LRRC7: variants seen among roughly 807,000 people sequenced by gnomAD.
The protein encoded by LRRC7 is leucine rich repeat containing 7.
A neutral mutation model predicts 175.7 loss-of-function variants in LRRC7; 23 were observed. The observed-to-expected ratio is 0.13, with a 90% CI of 0.09 to 0.19. The LOEUF (loss-of-function observed/expected upper bound fraction) is 0.19. Ranked by LOEUF, LRRC7 falls within the 10% of genes least tolerant of loss-of-function variation. The probability of loss-of-function intolerance (pLI) is 1.00; values close to 1 mark genes in which losing one functional copy is unlikely to be tolerated. For synonymous variants in LRRC7, 685 were observed against 680.9 expected, an observed-to-expected ratio of 1.01 and a Z score of -0.09; for missense variants, 1,354 against 1,904.7, an observed-to-expected ratio of 0.71 and a Z score of 5.38.
chr1:70,028,303 A>T lies in LRRC7; in HGVS notation c.1927A>T (p.Thr643Ser). ...TGAGAATTCAAATCCAACTGCTAAC[A>T]CGGAGCAAACTGTGAAAGAAAAATA... ...RVENSNPTAN[T>S]EQTVKEKYEH... The change falls in exon 18 of 27, where the codon ACG becomes TCG. Residue 643 changes from threonine (T) to serine (S), a missense_variant. Physicochemically the swap from Thr to Ser is moderately conservative, Grantham distance 58. Around this residue, in one of 4 missense-constraint regions of LRRC7, gnomAD observed 1,032 missense variants for 1,227.2 expected, o/e 0.84. Coordinates refer to ENST00000651989, the MANE Select transcript of LRRC7 (RefSeq NM_001370785.2). 1 of 1,613,828 alleles carries T rather than the reference A, an allele frequency of 6.2e-7. No individual in the cohort carries two copies. The highest frequency in any genetic ancestry group is 1.3e-5 in the African/African-American group (1 of 75,046).
At chr1:69,936,260 A>G (rs1009724370) in intron 8 of LRRC7, among the ~76,000 whole-genome samples, 1 of 152,180 alleles carries the variant, frequency 6.6e-6, no homozygotes, top group African/African-American at 2.4e-5. Context: ...TAGTTGATCA[A>G]GTTTCTCAAA....
intron 7 of LRRC7, among the ~76,000 whole-genome samples, chr1:69,873,291 C>G (rs898021693): frequency 5.3e-5 from 8 of 152,064 alleles, no homozygotes; most frequent in African/African-American, 1.9e-4. Flanking sequence ...TTTTCCTAAT[C>G]CTAGAACTAT....
chr1:69,743,419 G>GA (rs1339310718), intron 2 of LRRC7, among the ~76,000 whole-genome samples: 3 of 152,040 alleles, frequency 2.0e-5, no homozygotes, highest in African/African-American at 7.2e-5. Context: ...AAGCACGGAA[G>GA]AATGCAAAGG....
chr1:69,713,770 G>A lies in LRRC7; in HGVS notation c.100+35292G>A, dbSNP rs1021847819. Among the ~76,000 whole-genome samples the A allele has an allele frequency of 5.3e-5, 8 of 151,074 alleles. No homozygotes were observed. The East Asian group carries it at 1.6e-3, about 29-fold the overall frequency. On this transcript the variant is annotated intron_variant, in intron 2 of 26. Transcript: ENST00000651989. The stretch of plus-strand genomic sequence containing the variant: ...GGCATCTCGTATGAAACTGATCAAA[G>A]GGTTTGAATTCTGGGGAATAGAGAT...
chr1:70,132,064 T>C lies in LRRC7; in HGVS notation c.*10177T>C, dbSNP rs1021428241. The C allele has an allele frequency of 6.6e-6, 1 of 152,188 alleles. No individual in the cohort carries two copies. The highest frequency in any genetic ancestry group is 1.5e-5 in the Non-Finnish European group (1 of 68,062). 9.4% of individuals were successfully genotyped at this position (152,188 alleles called of 1,614,324 possible). On this transcript the variant is annotated 3_prime_UTR_variant, in exon 27 of 27. Transcript: ENST00000651989. The stretch of plus-strand genomic sequence containing the variant: ...AGACAAAAGAAGGGCAATAGAGGAC[T>C]GATACAGAGAATCAGAGAGGAACTG...
chr1:69,723,668 C>A (rs752857945), intron 2 of LRRC7, among the ~76,000 whole-genome samples: 16 of 152,172 alleles, frequency 1.1e-4, no homozygotes, highest in Non-Finnish European at 2.1e-4. Context: ...TAACAAAATG[C>A]CATAGACTGA....
chr1:70,017,908 T>A (rs1362505163), intron 14 of LRRC7, among the ~76,000 whole-genome samples: 1 of 152,082 alleles, frequency 6.6e-6, no homozygotes, highest in Non-Finnish European at 1.5e-5. Flanking sequence ...AAAATATGAT[T>A]TATTATTCTT....
At chr1:69,746,113 T>G (rs956654044) in intron 2 of LRRC7, among the ~76,000 whole-genome samples, 15 of 151,966 alleles carry the variant, frequency 9.9e-5, no homozygotes, top group African/African-American at 3.4e-4. Flanking sequence ...ACTTCTATTT[T>G]TATCCTCTCT....
chr1:69,976,174 A>G (rs896112366), intron 8 of LRRC7, among the ~76,000 whole-genome samples: 6 of 152,192 alleles, frequency 3.9e-5, no homozygotes, highest in Non-Finnish European at 8.8e-5. Flanking sequence ...GATAGATAAT[A>G]TAAAGGGGAG....
intron 2 of LRRC7, among the ~76,000 whole-genome samples, chr1:69,758,660 A>G (rs1570650935): frequency 6.6e-6 from 1 of 151,460 alleles, no homozygotes; most frequent in Non-Finnish European, 1.5e-5. Flanking sequence ...CCCTCATTCC[A>G]CCCTCCACCC....
intron 7 of LRRC7, among the ~76,000 whole-genome samples, chr1:69,920,517 C>T (rs1646859298): frequency 6.6e-6 from 1 of 151,982 alleles, no homozygotes; most frequent in African/African-American, 2.4e-5. Context: ...TAAAATATTC[C>T]TTAATACACT....
At chr1:69,732,188 A>T (rs1406954074) in intron 2 of LRRC7, among the ~76,000 whole-genome samples, 2 of 152,130 alleles carry the variant, frequency 1.3e-5, no homozygotes, top group African/African-American at 2.4e-5. Context: ...GACTTTATTT[A>T]AAAATGTCTG....
chr1:70,098,280 A>G (rs1664559512), intron 25 of LRRC7, among the ~76,000 whole-genome samples: 1 of 152,176 alleles, frequency 6.6e-6, no homozygotes. Flanking sequence ...AACGAGAACA[A>G]AGACACAACA....
chr1:70,097,466 A>T (rs79916799), intron 25 of LRRC7, among the ~76,000 whole-genome samples: 1 of 152,004 alleles, frequency 6.6e-6, no homozygotes, highest in East Asian at 1.9e-4. Flanking sequence ...TTTTTTTACC[A>T]TTTTTTTATT....
intron 1 of LRRC7, among the ~76,000 whole-genome samples, chr1:69,593,816 T>C (rs1042832280): frequency 1.3e-5 from 2 of 152,186 alleles, no homozygotes; most frequent in Non-Finnish European, 2.9e-5. Context: ...AAACCCGATC[T>C]GAGTCTGAAT....
chr1:69,742,673 T>C (rs1228192699), intron 2 of LRRC7, among the ~76,000 whole-genome samples: 1 of 151,924 alleles, frequency 6.6e-6, no homozygotes, highest in African/African-American at 2.4e-5. Flanking sequence ...CATTCTGAGA[T>C]TAAAGCAGAA....
intron 10 of LRRC7, among the ~76,000 whole-genome samples, chr1:69,991,634 G>T (rs1001762156): frequency 1.3e-5 from 2 of 152,150 alleles, no homozygotes; most frequent in African/African-American, 4.8e-5. Flanking sequence ...ATGGCGAATT[G>T]CATCGTGTCC....
At chr1:69,937,868 C>T (rs534556323) in intron 8 of LRRC7, among the ~76,000 whole-genome samples, 1 of 151,984 alleles carries the variant, frequency 6.6e-6, no homozygotes, top group Non-Finnish European at 1.5e-5. Flanking sequence ...GAGAGGCTTT[C>T]TTACCTTTTT....
In LRRC7 at chr1:69,690,057, G is replaced by A. The variant is rs142532628; in HGVS notation, c.100+11579G>A. Among the ~76,000 whole-genome samples the A allele has an allele frequency of 6.7e-3, 1,024 of 152,188 alleles. 5 individuals are homozygous for A. Among genetic ancestry groups the A allele is most frequent in the African/African-American group, 0.023 (968 of 41,514 alleles). Reference sequence around the variant, plus strand: ...GATGGTTTTTTCATTCAAACTTCAGGCAAATAACTTACCAAAATTACATCG... The same window carrying A: ...GATGGTTTTTTCATTCAAACTTCAGACAAATAACTTACCAAAATTACATCG... On this transcript the variant is annotated intron_variant, in intron 2 of 26. Coordinates refer to ENST00000651989, the MANE Select transcript of LRRC7 (RefSeq NM_001370785.2).
Sources: gnomAD v4.1 joint callset for allele counts (sites outside exome capture counted in the v4.1 genomes callset) on GRCh38, gnomAD v4.1.1 for gene constraint, gnomAD v4.1.1 regional missense constraint, MANE v1.5 for transcripts, NCBI Gene and HGNC (gene_info 2026-07-23, HGNC 2026-07-21) for gene names.